The following RSPH14 variants were observed in gnomAD, a reference collection of about 807,000 sequenced individuals.
The protein encoded by RSPH14 is rhabdoid tumor deletion region gene 1.
In RSPH14, 20 loss-of-function variants were observed where a neutral mutation model predicts 26.7. That is an observed-to-expected ratio of 0.75 (90% CI 0.53 to 1.09). The LOEUF (loss-of-function observed/expected upper bound fraction) is 1.09. Among genes scored for constraint, RSPH14 ranks in the 50% least tolerant of loss-of-function variants. The pLI is 0.00. For synonymous variants in RSPH14, 177 were observed against 189.3 expected, an observed-to-expected ratio of 0.93 and a Z score of 0.53; for missense variants, 449 against 457.2, an observed-to-expected ratio of 0.98 and a Z score of 0.16.
intron 5 of RSPH14, 34 bp from the exon 6 acceptor site, chr22:23,061,979 T>C: frequency 1.2e-6 from 2 of 1,612,506 alleles, no homozygotes; most frequent in Non-Finnish European, 1.7e-6. Flanking sequence ...GGGGCTCTGC[T>C]TGGAAGGGAG....
chr22:23,064,454 C>T (rs758357155), intron 4 of RSPH14, among the ~76,000 whole-genome samples: 1 of 152,140 alleles, frequency 6.6e-6, no homozygotes, highest in African/African-American at 2.4e-5. Context: ...AGCCACCCCT[C>T]GGAGAGCTGA....
At chr22:23,132,162 T>C (rs2146434200) in intron 4 of RSPH14, among the ~76,000 whole-genome samples, 1 of 152,308 alleles carries the variant, frequency 6.6e-6, no homozygotes, top group East Asian at 1.9e-4. Flanking sequence ...GCAGGTACTT[T>C]AGACATGGGA....
chr22:23,064,028 A>C lies in RSPH14; in HGVS notation c.527T>G (p.Val176Gly), dbSNP rs2068148398. Reference sequence around the variant, plus strand: ...GGTGGCATCCTCCTGCAGGCAGAGGACCAGTGTGTCCAGGATGAACTCCTG... The same window carrying C: ...GGTGGCATCCTCCTGCAGGCAGAGGCCCAGTGTGTCCAGGATGAACTCCTG... ...EFQEFILDTL[V>G]LCLQEDATEA... Residue 176 changes from valine to glycine, a missense_variant, in exon 5 of 7, where the codon GTC (valine) becomes GGC (glycine). By Grantham distance (109) the Val-to-Gly change is moderately radical. Coordinates refer to ENST00000216036, the MANE Select transcript of RSPH14 (RefSeq NM_014433.3). 8 of 1,614,104 alleles carry C rather than the reference A, an allele frequency of 5.0e-6. No homozygotes were observed. The highest frequency in any genetic ancestry group is 6.8e-6 in the Non-Finnish European group (8 of 1,180,002).
chr22:23,061,802 G>A lies in RSPH14; in HGVS notation c.790+7C>T, dbSNP rs761588812. On this transcript the variant is annotated splice_region_variant and intron_variant, in intron 6 of 6. Coordinates refer to ENST00000216036, the MANE Select transcript of RSPH14 (RefSeq NM_014433.3). ...CTCCCTCCCTGCGGCACCCCCCACCGCCTCACCTTCAGTGATCACTGTGGC... is the reference window on the plus strand; with the variant it reads ...CTCCCTCCCTGCGGCACCCCCCACCACCTCACCTTCAGTGATCACTGTGGC... 35 of 1,612,268 alleles carry A rather than the reference G, an allele frequency of 2.2e-5. No homozygotes were observed. Among genetic ancestry groups the A allele is most frequent in the Non-Finnish European group, 2.9e-5 (34 of 1,179,422 alleles).
the RSPH14 span, chr22:23,158,978 T>G: frequency 6.2e-7 from 1 of 1,614,056 alleles, no homozygotes; most frequent in Non-Finnish European, 8.5e-7. Context: ...AAGGACCTTC[T>G]GGTGAGCAGA....
At chr22:23,173,620 TG>T in the RSPH14 span, among the ~76,000 whole-genome samples, 6 of 137,340 alleles carry the variant, frequency 4.4e-5, no homozygotes, top group Non-Finnish European at 7.7e-5. Context: ...TTTTTATTTT[TG>T]GTTTTTTGTT....
At chr22:23,078,633 A>G (rs2068578119) in intron 4 of RSPH14, among the ~76,000 whole-genome samples, 1 of 152,214 alleles carries the variant, frequency 6.6e-6, no homozygotes, top group Admixed American at 6.5e-5. Context: ...TGCGGTCCCC[A>G]GGGACCACAG....
chr22:23,146,666 T>C (rs922003818), upstream of RSPH14: 1 of 1,613,908 alleles, frequency 6.2e-7, no homozygotes, highest in African/African-American at 1.3e-5. Flanking sequence ...CGCGACCGTG[T>C]CATCGCCAGC....
chr22:23,165,157 C>T, the RSPH14 span, among the ~76,000 whole-genome samples: 2 of 152,214 alleles, frequency 1.3e-5, no homozygotes, highest in South Asian at 2.1e-4. Flanking sequence ...CCCCTAGCAC[C>T]TCTGGGAGGA....
intron 4 of RSPH14, among the ~76,000 whole-genome samples, chr22:23,115,101 C>T (rs532769212): frequency 2.0e-5 from 3 of 152,188 alleles, no homozygotes; most frequent in Admixed American, 6.5e-5. Flanking sequence ...GTGGCCACAG[C>T]AAACTGCATG....
chr22:23,117,255 A>G (rs2069870829), intron 4 of RSPH14, among the ~76,000 whole-genome samples: 4 of 151,982 alleles, frequency 2.6e-5, no homozygotes, highest in African/African-American at 9.7e-5. Flanking sequence ...AGAGGGGCTG[A>G]GCCAGAGGTG....
intron 4 of RSPH14, among the ~76,000 whole-genome samples, chr22:23,127,272 A>G (rs1247657447): frequency 1.3e-5 from 2 of 152,194 alleles, no homozygotes; most frequent in African/African-American, 4.8e-5. Flanking sequence ...CCTCACCCAG[A>G]TGAGCCTGAC....
At chr22:23,154,724 A>G in the RSPH14 span, among the ~76,000 whole-genome samples, 1 of 152,218 alleles carries the variant, frequency 6.6e-6, no homozygotes, top group Non-Finnish European at 1.5e-5. Flanking sequence ...TCTCTAGGCC[A>G]CCACCACCAG....
the RSPH14 span, among the ~76,000 whole-genome samples, chr22:23,178,886 G>T: frequency 1.4e-3 from 207 of 152,304 alleles, 2 homozygotes; most frequent in Non-Finnish European, 2.5e-3. Flanking sequence ...AATCTTTGAT[G>T]GTTCTCTAGG....
the RSPH14 span, chr22:23,152,504 G>T: frequency 6.2e-7 from 1 of 1,614,128 alleles, no homozygotes; most frequent in East Asian, 2.2e-5. Flanking sequence ...TCTCTACGTG[G>T]GGAAGACCAG....
At chr22:23,076,388 T>C (rs1601750687) in intron 4 of RSPH14, among the ~76,000 whole-genome samples, 1 of 152,358 alleles carries the variant, frequency 6.6e-6, no homozygotes, top group Non-Finnish European at 1.5e-5. Context: ...TCAGTGGCCC[T>C]GTCCAGCCCC....
In RSPH14 at chr22:23,071,755, A is replaced by T. The variant is rs2068384012; in HGVS notation, c.422-7622T>A. Among the ~76,000 whole-genome samples, 1 of 152,198 alleles carries T rather than the reference A, an allele frequency of 6.6e-6. No homozygotes were observed. The highest frequency in any genetic ancestry group is 2.4e-5 in the African/African-American group (1 of 41,456). ...GAGTGGTGTCCTGGGCTGGGGGGTCAGGTGAGCTCGTGGGCAACATGACAT... is the reference window on the plus strand; with the variant it reads ...GAGTGGTGTCCTGGGCTGGGGGGTCTGGTGAGCTCGTGGGCAACATGACAT... On this transcript the variant is annotated intron_variant, in intron 4 of 6. Coordinates refer to ENST00000216036, the MANE Select transcript of RSPH14 (RefSeq NM_014433.3). This position sits in a 1 kb window ranked among gnomAD's most constrained non-coding sequence, Gnocchi z 4.1.
intron 4 of RSPH14, among the ~76,000 whole-genome samples, chr22:23,103,468 G>A (rs1455153501): frequency 6.6e-6 from 1 of 152,186 alleles, no homozygotes; most frequent in African/African-American, 2.4e-5. Context: ...CTCCCACTGT[G>A]CTTCCCCAGT....
intron 4 of RSPH14, among the ~76,000 whole-genome samples, chr22:23,076,003 G>C (rs1265146354): frequency 6.6e-6 from 1 of 152,126 alleles, no homozygotes; most frequent in East Asian, 1.9e-4. Flanking sequence ...AGTAGGTCTG[G>C]GCAGCCCCGC....
Sources: gnomAD v4.1 joint callset for allele counts (sites outside exome capture counted in the v4.1 genomes callset) on GRCh38, gnomAD v4.1.1 for gene constraint, Gnocchi (gnomAD v3.1) non-coding constraint, MANE v1.5 for transcripts, NCBI Gene and HGNC (gene_info 2026-07-23, HGNC 2026-07-21) for gene names.